Variants in KIAA1217 observed in about 807,000 individuals in gnomAD.
The protein encoded by KIAA1217 is sickle tail protein homolog.
A neutral mutation model predicts 163.9 loss-of-function variants in KIAA1217; 88 were observed. The observed-to-expected ratio is 0.54, with a 90% CI of 0.45 to 0.64. The LOEUF is 0.64. KIAA1217 is among the 30% of genes least tolerant of loss of function. KIAA1217 has a pLI of 0.00. For synonymous variants in KIAA1217, 903 were observed against 923.1 expected, an observed-to-expected ratio of 0.98 and a Z score of 0.39; for missense variants, 2,372 against 2,475.0, an observed-to-expected ratio of 0.96 and a Z score of 0.88.
chr10:23,854,118 T>A (rs1409567863), intron 1 of KIAA1217, among the ~76,000 whole-genome samples: 2 of 152,196 alleles, frequency 1.3e-5, no homozygotes, highest in Non-Finnish European at 2.9e-5. Context: ...GGTGTCAATT[T>A]TGGATCTTTC....
chr10:24,123,242 C>T (rs2063350193), intron 2 of KIAA1217, among the ~76,000 whole-genome samples: 1 of 151,446 alleles, frequency 6.6e-6, no homozygotes, highest in Non-Finnish European at 1.5e-5. Context: ...TTTTAAAATA[C>T]ATAAAGCATA....
intron 2 of KIAA1217, among the ~76,000 whole-genome samples, chr10:24,140,375 A>AT (rs1465294181): frequency 6.6e-6 from 1 of 151,992 alleles, no homozygotes; most frequent in Non-Finnish European, 1.5e-5. Context: ...AAAAAAAAAA[A>AT]AGAAATCACT....
intron 1 of KIAA1217, among the ~76,000 whole-genome samples, chr10:23,875,159 C>T (rs1285773461): frequency 6.6e-6 from 1 of 151,810 alleles, no homozygotes; most frequent in Non-Finnish European, 1.5e-5. Flanking sequence ...CCTTAAATAC[C>T]TCCCACCAGG....
At chr10:23,884,038 T>C (rs953136911) in intron 1 of KIAA1217, among the ~76,000 whole-genome samples, 1 of 152,008 alleles carries the variant, frequency 6.6e-6, no homozygotes. Flanking sequence ...TTTCCAAGTT[T>C]TGGCAATTAT....
At chr10:23,854,001 G>C (rs569509836) in intron 1 of KIAA1217, among the ~76,000 whole-genome samples, 1 of 152,042 alleles carries the variant, frequency 6.6e-6, no homozygotes, top group African/African-American at 2.4e-5. Context: ...GGATTTTTGT[G>C]TCTCTATTTC....
intron 2 of KIAA1217, among the ~76,000 whole-genome samples, chr10:24,359,082 C>CTTTTTTTTTTTTT (rs202024336): frequency 1.6e-4 from 13 of 81,540 alleles, no homozygotes; most frequent in East Asian, 2.8e-4. Flanking sequence ...TTCTTTCTTT[C>CTTTTTTTTTTTTT]TTTTTTTTTT....
At chr10:23,893,378 C>T (rs1841499713) in intron 1 of KIAA1217, among the ~76,000 whole-genome samples, 1 of 151,932 alleles carries the variant, frequency 6.6e-6, no homozygotes, top group South Asian at 2.1e-4. Flanking sequence ...TGATTCTTCT[C>T]TCTTTTCTTC....
chr10:24,325,999 T>G (rs776814124), intron 2 of KIAA1217, among the ~76,000 whole-genome samples: 89 of 152,132 alleles, frequency 5.9e-4, no homozygotes, highest in Non-Finnish European at 1.0e-3. Context: ...GCCTTAAGTT[T>G]TAGGTATACC....
chr10:24,243,498 TAATAA>T (rs2073364921), intron 2 of KIAA1217, among the ~76,000 whole-genome samples: 2 of 152,050 alleles, frequency 1.3e-5, no homozygotes, highest in African/African-American at 4.8e-5. Context: ...AACTCCCGCT[TAATAA>T]GTGAGAATAT....
rs1433854504 is a variant in KIAA1217 at position 24,495,174 on chromosome 10, C to A, written c.1812C>A (p.Asn604Lys). The A allele has an allele frequency of 6.2e-7, 1 of 1,612,596 alleles. No homozygotes were observed. The highest frequency in any genetic ancestry group is 1.3e-5 in the African/African-American group (1 of 74,594). The change falls in exon 8 of 21, where the codon AAC (asparagine) becomes AAA (lysine). Residue 604 changes from asparagine to lysine, a missense_variant. Asn to Lys is a moderately conservative substitution (Grantham distance 94). Transcript: ENST00000376454. ...AGAAAATGATGAAAACCACAGCCAACAGGAACCACACAGATAGTGCAGGTA... is the reference window on the plus strand; with the variant it reads ...AGAAAATGATGAAAACCACAGCCAAAAGGAACCACACAGATAGTGCAGGTA... ...SSEKMMKTTA[N>K]RNHTDSAGTP...
chr10:23,732,196 A>T (rs1292009725), intron 1 of KIAA1217, among the ~76,000 whole-genome samples: 1 of 152,078 alleles, frequency 6.6e-6, no homozygotes. Context: ...GATAGCATTC[A>T]CCAGTGATCC....
intron 2 of KIAA1217, among the ~76,000 whole-genome samples, chr10:24,098,615 T>C (rs562892489): frequency 6.6e-6 from 1 of 152,124 alleles, no homozygotes; most frequent in Non-Finnish European, 1.5e-5. Flanking sequence ...CTGAGCTCTG[T>C]GGGAAGTTGG....
At chr10:24,253,833 T>C (rs2074835169) in intron 2 of KIAA1217, among the ~76,000 whole-genome samples, 2 of 152,030 alleles carry the variant, frequency 1.3e-5, no homozygotes, top group African/African-American at 4.8e-5. Context: ...GAGGATCACC[T>C]GAGCCCAGGA....
chr10:24,060,020 C>T (rs781251482), intron 2 of KIAA1217, among the ~76,000 whole-genome samples: 8 of 152,146 alleles, frequency 5.3e-5, no homozygotes, highest in Non-Finnish European at 1.2e-4. Context: ...TTTCCTGTGG[C>T]AGCAGGTGTA....
At chr10:24,003,583 A>G (rs1269658739) in intron 1 of KIAA1217, among the ~76,000 whole-genome samples, 1 of 152,204 alleles carries the variant, frequency 6.6e-6, no homozygotes, top group African/African-American at 2.4e-5. Context: ...TATGCAGCCA[A>G]GTTGAATTTC....
rs551674611 is a variant in KIAA1217, at chr10:23,867,582, T to G, written c.-320-139643T>G. On this transcript the variant is annotated intron_variant, in intron 1 of 18. Coordinates refer to the KIAA1217 transcript ENST00000376462. Reference sequence around the variant, plus strand: ...ATGGTATCTCATTGTGGTTTTGATTTGCATTTCTGTGATGGCCAGTGATGA... The same window carrying G: ...ATGGTATCTCATTGTGGTTTTGATTGGCATTTCTGTGATGGCCAGTGATGA... Among the ~76,000 whole-genome samples the G allele has an allele frequency of 2.6e-5, 4 of 152,350 alleles. No homozygotes were observed. In the East Asian group the frequency reaches 5.8e-4, roughly 22 times the overall value.
At chr10:24,268,319 C>G (rs547448101) in intron 2 of KIAA1217, among the ~76,000 whole-genome samples, 1 of 152,250 alleles carries the variant, frequency 6.6e-6, no homozygotes, top group Non-Finnish European at 1.5e-5. Context: ...TTTCTCCCTG[C>G]CTGTTAATTG....
At chr10:24,525,783 G>A (rs2072051699) in intron 13 of KIAA1217, among the ~76,000 whole-genome samples, 1 of 152,098 alleles carries the variant, frequency 6.6e-6, no homozygotes, top group South Asian at 2.1e-4. Context: ...GAACATGAGT[G>A]CAAGACTAGC....
At chr10:23,859,011 T>C (rs1839835944) in intron 1 of KIAA1217, among the ~76,000 whole-genome samples, 1 of 152,342 alleles carries the variant, frequency 6.6e-6, no homozygotes, top group Non-Finnish European at 1.5e-5. Context: ...TTAAACTTAT[T>C]CTAAGCCAGT....
Sources: allele counts gnomAD v4.1 joint callset (sites outside exome capture counted in the v4.1 genomes callset), GRCh38; gene constraint gnomAD v4.1.1; transcripts MANE v1.5; gene names NCBI Gene and HGNC (gene_info 2026-07-23, HGNC 2026-07-21).